The following USP43 variants were observed in gnomAD, a reference collection of about 807,000 sequenced individuals.
USP43 encodes ubiquitin carboxyl-terminal hydrolase 43.
In USP43, 33 loss-of-function variants were observed where a neutral mutation model predicts 90.7. The ratio of observed to expected loss-of-function variants is 0.36; its 90% CI spans 0.28 to 0.49. The LOEUF is 0.49. Among genes scored for constraint, USP43 ranks in the 20% least tolerant of loss-of-function variants. The pLI is 0.98. For synonymous variants in USP43, 598 were observed against 615.8 expected (o/e 0.97, Z 0.43); for missense variants, 1,274 against 1,476.4 (o/e 0.86, Z 2.25).
At chr17:9,712,402 G>C (rs1916260378) in intron 14 of USP43, among the ~76,000 whole-genome samples, 1 of 152,156 alleles carries the variant, frequency 6.6e-6, no homozygotes, top group Non-Finnish European at 1.5e-5. Context: ...GGTACTTAAA[G>C]AAGGGAGAAT....
chr17:9,681,485 TA>T (rs759268006), intron 6 of USP43, among the ~76,000 whole-genome samples: 1 of 34,490 alleles, frequency 2.9e-5, no homozygotes, highest in Non-Finnish European at 5.2e-5. Context: ...TATATATATA[TA>T]TATATATATA....
chr17:9,662,609 A>C (rs567553788), intron 2 of USP43, among the ~76,000 whole-genome samples: 1 of 152,058 alleles, frequency 6.6e-6, no homozygotes, highest in African/African-American at 2.4e-5. Flanking sequence ...TTGTTTCCTG[A>C]ACCCTTGAGC....
intron 7 of USP43, among the ~76,000 whole-genome samples, chr17:9,684,763 CAAAAAA>C (rs34404550): frequency 3.0e-5 from 2 of 65,820 alleles, no homozygotes; most frequent in African/African-American, 1.1e-4. Context: ...AACTCCATCT[CAAAAAA>C]AAAAAAAAAA....
intron 5 of USP43, 114 bp downstream of exon 5, chr17:9,676,995 TG>T: frequency 7.4e-7 from 1 of 1,346,950 alleles, no homozygotes; most frequent in Non-Finnish European, 1.0e-6. Flanking sequence ...GTATGACTCA[TG>T]GGTTTCTGGT....
intron 14 of USP43, among the ~76,000 whole-genome samples, chr17:9,726,209 G>A (rs775708279): frequency 3.9e-5 from 6 of 152,034 alleles, no homozygotes; most frequent in African/African-American, 1.2e-4. Flanking sequence ...CCTCCCCCGC[G>A]TTCCTGCAGC....
chr17:9,674,009 G>T lies in USP43; in HGVS notation c.741-882G>T, dbSNP rs1193104917. 2.0e-5 allele frequency among the ~76,000 whole-genome samples: 3 copies of T among 152,132 alleles called. No homozygotes were observed. The highest frequency in any genetic ancestry group is 2.9e-5 in the Non-Finnish European group (2 of 68,026). On this transcript the variant is annotated intron_variant, in intron 3 of 14. Coordinates refer to ENST00000285199, the MANE Select transcript of USP43 (RefSeq NM_153210.5). The surrounding 1 kb of genome is among the most constrained non-coding windows in gnomAD (Gnocchi z 4.4). ...GCTTAAAAGCTCAGGATTTTAGAAA[G>T]ATTTTGATGTCTGGACCCCTCTCTA... is the stretch of plus-strand genomic sequence containing the variant.
At chr17:9,703,042 G>A (rs1439401864) in intron 12 of USP43, among the ~76,000 whole-genome samples, 1 of 152,166 alleles carries the variant, frequency 6.6e-6, no homozygotes, top group East Asian at 1.9e-4. Flanking sequence ...CTCCAGATGA[G>A]GGCTTGCCAC....
At chr17:9,679,185 G>T (rs1227190641) in intron 5 of USP43, among the ~76,000 whole-genome samples, 1 of 152,044 alleles carries the variant, frequency 6.6e-6, no homozygotes, top group Non-Finnish European at 1.5e-5. Flanking sequence ...TTTAAATCCT[G>T]AAATCTATGT....
rs67593846 is a variant in USP43, at chr17:9,663,300, C to CT, written c.637-3333dup. 5.0e-3 allele frequency among the ~76,000 whole-genome samples: 708 copies of CT among 141,310 alleles called. 3 individuals carry two copies. Among genetic ancestry groups the CT allele is most frequent in the Non-Finnish European group, 6.3e-3 (409 of 64,512 alleles). 92.7% of individuals were successfully genotyped at this position (141,310 alleles called of 152,430 possible). A position where few individuals can be genotyped will look rare whatever the true frequency, so the allele number is the denominator to read the frequency against. On this transcript the variant is annotated intron_variant, in intron 2 of 14. Coordinates refer to ENST00000285199, the MANE Select transcript of USP43 (RefSeq NM_153210.5). Reference sequence around the variant, plus strand: ...GTACCGGTGTGGGGATTTGGATGTTCTTTTTTTTTTTTTTTGAGACAAAGT... The same window carrying CT: ...GTACCGGTGTGGGGATTTGGATGTTCTTTTTTTTTTTTTTTTGAGACAAAGT...
intron 2 of USP43, among the ~76,000 whole-genome samples, chr17:9,660,405 T>A (rs1431245418): frequency 6.6e-6 from 1 of 152,186 alleles, no homozygotes; most frequent in Non-Finnish European, 1.5e-5. Flanking sequence ...TGCCTTGGCC[T>A]CCCAAAGTGC....
chr17:9,645,874 C>T lies in USP43; in HGVS notation c.242C>T (p.Pro81Leu), dbSNP rs184688281. The stretch of plus-strand genomic sequence containing the variant: ...GGGAGCCCCGGGGAGGAACGCCCGC[C>T]CGGACCCCAGCCCCAGCTCCAGCTC... ...APGSPGEERP[P>L]GPQPQLQLPA... Residue 81 changes from proline to leucine, a missense_variant, in exon 1 of 15, where the codon CCC (proline) becomes CTC (leucine). By Grantham distance (98) the Pro-to-Leu change is moderately conservative. Coordinates refer to ENST00000285199, the MANE Select transcript of USP43 (RefSeq NM_153210.5). The surrounding 1 kb of genome is among the most constrained non-coding windows in gnomAD (Gnocchi z 6.8). 1,722 of 1,430,180 alleles carry T rather than the reference C, an allele frequency of 1.2e-3. 23 individuals are homozygous for T. The African/African-American group carries it at 0.023, about 19-fold the overall frequency. 88.6% of individuals were successfully genotyped at this position (1,430,180 alleles called of 1,614,324 possible).
chr17:9,700,115 A>C, intron 9 of USP43, 57 bp from the exon 10 acceptor site: 5 of 1,488,322 alleles, frequency 3.4e-6, no homozygotes, highest in Non-Finnish European at 3.7e-6. Context: ...TGAGCCCTGA[A>C]GAGCTGTGGG....
intron 14 of USP43, among the ~76,000 whole-genome samples, chr17:9,714,682 C>CAAAAAAAAAAA (rs34258688): frequency 2.9e-5 from 2 of 69,986 alleles, no homozygotes; most frequent in African/African-American, 1.1e-4. Flanking sequence ...GACTCCATCT[C>CAAAAAAAAAAA]AAAAAAAAAA....
At chr17:9,704,850 G>A (rs1005759532) in intron 12 of USP43, among the ~76,000 whole-genome samples, 1 of 150,334 alleles carries the variant, frequency 6.7e-6, no homozygotes, top group African/African-American at 2.4e-5. Flanking sequence ...GGCCCTCAAA[G>A]CTGAGCTGTT....
rs753537186 is a variant in USP43 at position 9,676,784 on chromosome 17, A to G, written c.872A>G (p.Gln291Arg). Reference sequence around the variant, plus strand: ...ACCTTGGTCTTCCCCTCTAAGAGCCAGCGGTTCCTGCGGGTTGGCCTGGCC... The same window carrying G: ...ACCTTGGTCTTCCCCTCTAAGAGCCGGCGGTTCCTGCGGGTTGGCCTGGCC... The part of the protein sequence containing the change: ...SVTLVFPSKS[Q>R]RFLRVGLAVP... Residue 291 changes from glutamine to arginine, a missense_variant, in exon 5 of 15, where the codon CAG (glutamine) becomes CGG (arginine). Coordinates refer to ENST00000285199, the MANE Select transcript of USP43 (RefSeq NM_153210.5). The G allele has an allele frequency of 6.8e-6, 11 of 1,613,936 alleles. No homozygotes were observed. In the South Asian group the frequency reaches 1.1e-4, roughly 16 times the overall value.
chr17:9,652,212 C>CAA (rs769295315), intron 1 of USP43, among the ~76,000 whole-genome samples: 22 of 42,674 alleles, frequency 5.2e-4, no homozygotes, highest in East Asian at 3.3e-3. Flanking sequence ...GCCCTTAGCG[C>CAA]AAAAAAAAAA....
At chr17:9,705,176 A>G (rs1915799809) in intron 12 of USP43, among the ~76,000 whole-genome samples, 1 of 152,100 alleles carries the variant, frequency 6.6e-6, no homozygotes, top group African/African-American at 2.4e-5. Context: ...TTCTTTATGT[A>G]AATACAAGCA....
intron 14 of USP43, among the ~76,000 whole-genome samples, chr17:9,725,580 C>T (rs438623): frequency 6.6e-6 from 1 of 152,174 alleles, no homozygotes; most frequent in Non-Finnish European, 1.5e-5. Context: ...TCCTGTTATC[C>T]TAGCCCAATA....
chr17:9,683,636 A>G (rs546181130), intron 7 of USP43, among the ~76,000 whole-genome samples: 73 of 152,312 alleles, frequency 4.8e-4, no homozygotes, highest in Non-Finnish European at 1.9e-4. Flanking sequence ...AAATACTTAC[A>G]GATAGTTGGT....
Sources: gnomAD v4.1 joint callset for allele counts (sites outside exome capture counted in the v4.1 genomes callset) on GRCh38, gnomAD v4.1.1 for gene constraint, Gnocchi (gnomAD v3.1) non-coding constraint, MANE v1.5 for transcripts, NCBI Gene and HGNC (gene_info 2026-07-23, HGNC 2026-07-21) for gene names.